Variants in GALNT17 observed in about 807,000 individuals in gnomAD.
The protein encoded by GALNT17 is UDP-GalNAc:polypeptide N-acetylgalactosaminyltransferase-like 3.
Under a neutral mutation model 63.7 loss-of-function variants are expected in GALNT17, and 29 were observed. The observed-to-expected ratio is 0.46, with a 90% CI of 0.34 to 0.62. The LOEUF (loss-of-function observed/expected upper bound fraction) is 0.62, where lower values mean the gene tolerates loss of function less well. Among genes scored for constraint, GALNT17 ranks in the 20% least tolerant of loss-of-function variants. The pLI, the probability that GALNT17 is intolerant of heterozygous loss-of-function variation, is 0.01. For synonymous variants in GALNT17, 305 were observed against 318.3 expected (o/e 0.96, Z 0.45); for missense variants, 603 against 799.6 (o/e 0.75, Z 2.97).
intron 1 of GALNT17, among the ~76,000 whole-genome samples, chr7:71,263,807 C>T (rs574460234): frequency 6.6e-6 from 1 of 152,204 alleles, no homozygotes; most frequent in South Asian, 2.1e-4. Flanking sequence ...GCCTGTAGTC[C>T]TAGCTACTTG....
intron 9 of GALNT17, among the ~76,000 whole-genome samples, chr7:71,683,141 C>G (rs1480448733): frequency 6.6e-6 from 1 of 152,266 alleles, no homozygotes; most frequent in Admixed American, 6.5e-5. Context: ...CATGGCTCCC[C>G]CGGCTCTGGG....
chr7:71,367,533 A>G (rs1792536735), intron 2 of GALNT17, among the ~76,000 whole-genome samples: 1 of 152,022 alleles, frequency 6.6e-6, no homozygotes, highest in South Asian at 2.1e-4. Context: ...TCCCTAATCT[A>G]TGTGGTTGTT....
intron 6 of GALNT17, among the ~76,000 whole-genome samples, chr7:71,613,034 G>A (rs556189046): frequency 3.5e-4 from 53 of 152,264 alleles, no homozygotes; most frequent in African/African-American, 9.4e-4. Flanking sequence ...TCCAGTAGAC[G>A]TTTCTGATGC....
intron 2 of GALNT17, among the ~76,000 whole-genome samples, chr7:71,352,364 G>C (rs1194369826): frequency 1.3e-5 from 2 of 152,080 alleles, no homozygotes; most frequent in Admixed American, 1.3e-4. Context: ...ACATGAAAAA[G>C]AACTAATATA....
intron 1 of GALNT17, among the ~76,000 whole-genome samples, chr7:71,259,928 A>G (rs112843042): frequency 0.055 from 8,418 of 152,112 alleles, 791 homozygotes; most frequent in African/African-American, 0.19. Flanking sequence ...GGCGTGAGCC[A>G]CCGCACCCAG....
chr7:71,216,219 A>G (rs911129434), intron 1 of GALNT17, among the ~76,000 whole-genome samples: 4 of 152,154 alleles, frequency 2.6e-5, no homozygotes, highest in Non-Finnish European at 4.4e-5. Context: ...CCTGTCACAA[A>G]CAAACACCAA....
intron 1 of GALNT17, among the ~76,000 whole-genome samples, chr7:71,297,846 C>T (rs1456585293): frequency 6.6e-6 from 1 of 152,202 alleles, no homozygotes; most frequent in Non-Finnish European, 1.5e-5. Flanking sequence ...GGAGTACCTA[C>T]TGCATGATTC....
At chr7:71,618,626 C>T (rs1418204559) in intron 6 of GALNT17, among the ~76,000 whole-genome samples, 1 of 152,144 alleles carries the variant, frequency 6.6e-6, no homozygotes, top group African/African-American at 2.4e-5. Flanking sequence ...TGAGAAGTGT[C>T]TGGTCATGTC....
chr7:71,631,780 G>A (rs923065494), intron 6 of GALNT17, among the ~76,000 whole-genome samples: 2 of 152,132 alleles, frequency 1.3e-5, no homozygotes, highest in Admixed American at 6.5e-5. Flanking sequence ...TGCAATATTG[G>A]GATGGTTAAT....
chr7:71,518,541 G>A (rs1018871006), intron 5 of GALNT17, among the ~76,000 whole-genome samples: 1 of 152,188 alleles, frequency 6.6e-6, no homozygotes, highest in African/African-American at 2.4e-5. Flanking sequence ...GAGTCCAGCA[G>A]CAGTTACTAA....
intron 3 of GALNT17, among the ~76,000 whole-genome samples, chr7:71,392,214 G>T (rs1027652563): frequency 2.6e-5 from 4 of 152,168 alleles, no homozygotes; most frequent in African/African-American, 7.2e-5. Flanking sequence ...TTCACATCAA[G>T]AGTGCAAGTA....
intron 6 of GALNT17, 118 bp downstream of exon 6, chr7:71,571,520 T>C: frequency 3.7e-6 from 3 of 809,410 alleles, no homozygotes; most frequent in Non-Finnish European, 6.3e-6. Flanking sequence ...ATTCATTTAC[T>C]CCACCTTGTT....
chr7:71,504,941 G>A (rs1244998058), intron 5 of GALNT17, among the ~76,000 whole-genome samples: 1 of 151,938 alleles, frequency 6.6e-6, no homozygotes, highest in African/African-American at 2.4e-5. Context: ...CTTTGAACTG[G>A]TTTGCTTTCA....
chr7:71,382,347 C>G (rs1266151493), intron 2 of GALNT17, among the ~76,000 whole-genome samples: 1 of 151,946 alleles, frequency 6.6e-6, no homozygotes, highest in Non-Finnish European at 1.5e-5. Context: ...GCCATTGCAC[C>G]CTAGCCTGGG....
At chr7:71,633,066 T>C (rs1478313218) in intron 6 of GALNT17, among the ~76,000 whole-genome samples, 1 of 134,980 alleles carries the variant, frequency 7.4e-6, no homozygotes, top group Non-Finnish European at 1.5e-5. Flanking sequence ...ATCGCACCAC[T>C]GCACTCCAGC....
At chr7:71,592,186 C>T (rs1249678547) in intron 6 of GALNT17, among the ~76,000 whole-genome samples, 1 of 152,138 alleles carries the variant, frequency 6.6e-6, no homozygotes, top group Non-Finnish European at 1.5e-5. Context: ...AGTGTGTAAA[C>T]CAAAGCACTG....
intron 1 of GALNT17, among the ~76,000 whole-genome samples, chr7:71,314,335 T>G (rs1791463360): frequency 6.6e-6 from 1 of 152,100 alleles, no homozygotes; most frequent in African/African-American, 2.4e-5. Flanking sequence ...TTAGGCAATG[T>G]AAGTATGACA....
intron 1 of GALNT17, among the ~76,000 whole-genome samples, chr7:71,292,475 A>C (rs1790994782): frequency 6.6e-6 from 1 of 152,172 alleles, no homozygotes; most frequent in African/African-American, 2.4e-5. Flanking sequence ...CTGTAGTCTG[A>C]ATGTGAACTG....
chr7:71,641,413 G>A (rs6970429), intron 6 of GALNT17, among the ~76,000 whole-genome samples: 111,370 of 152,016 alleles, frequency 0.73, 40,927 homozygotes, highest in Middle Eastern at 0.84. Context: ...ACAAAATACC[G>A]TACACTAGGT....
Sources: gnomAD v4.1 joint callset for allele counts (sites outside exome capture counted in the v4.1 genomes callset) on GRCh38, gnomAD v4.1.1 for gene constraint, MANE v1.5 for transcripts, NCBI Gene and HGNC (gene_info 2026-07-23, HGNC 2026-07-21) for gene names.